Variants in PAK5 observed in about 807,000 individuals in gnomAD.
PAK5 encodes the protein p21 (RAC1) activated kinase 5, also known as serine/threonine-protein kinase PAK 5.
A neutral mutation model predicts 65.9 loss-of-function variants in PAK5; 16 were observed. That is an observed-to-expected ratio of 0.24 (90% CI 0.16 to 0.37). The LOEUF is 0.37. PAK5 is among the 10% of genes least tolerant of loss of function. The pLI is 1.00. For missense variants in PAK5, 785 were observed against 903.9 expected (o/e 0.87, Z 1.69); for synonymous variants, 371 against 354.9 (o/e 1.05, Z -0.51).
rs2048832839 is a variant in PAK5, at chr20:9,771,493, C to T, written c.-161-60058G>A. Among the ~76,000 whole-genome samples, 3 of 151,608 alleles carry T rather than the reference C, an allele frequency of 2.0e-5. No homozygotes were observed. In the South Asian group the frequency reaches 6.3e-4, roughly 32 times the overall value. ...GTGTAATCACTGCTCACTGCAGCCTCAAACTCCTGGGCTCAAGGGACCCTC... is the reference window on the plus strand; with the variant it reads ...GTGTAATCACTGCTCACTGCAGCCTTAAACTCCTGGGCTCAAGGGACCCTC... On this transcript the variant is annotated intron_variant, in intron 1 of 9. Coordinates refer to ENST00000353224, the MANE Select transcript of PAK5 (RefSeq NM_177990.4).
chr20:9,754,182 G>A (rs2048607225), intron 1 of PAK5, among the ~76,000 whole-genome samples: 1 of 152,184 alleles, frequency 6.6e-6, no homozygotes, highest in Non-Finnish European at 1.5e-5. Context: ...TAACTGCCCA[G>A]TGAGTTCATT....
At chr20:9,672,243 C>A (rs2047509887) in intron 2 of PAK5, among the ~76,000 whole-genome samples, 1 of 150,978 alleles carries the variant, frequency 6.6e-6, no homozygotes, top group South Asian at 2.1e-4. Flanking sequence ...ACTGGAAATG[C>A]AACCCATTTA....
intron 2 of PAK5, among the ~76,000 whole-genome samples, chr20:9,655,834 G>A (rs1008444876): frequency 5.3e-5 from 8 of 152,102 alleles, no homozygotes; most frequent in Admixed American, 2.6e-4. Flanking sequence ...TGGGAGGGTT[G>A]GTTTCTTCCG....
chr20:9,602,075 G>A (rs954040171), intron 3 of PAK5, among the ~76,000 whole-genome samples: 3 of 152,126 alleles, frequency 2.0e-5, no homozygotes, highest in East Asian at 1.9e-4. Flanking sequence ...GGAGGATCAC[G>A]AGGTCAAGAG....
chr20:9,661,893 A>G (rs909969725), intron 2 of PAK5, among the ~76,000 whole-genome samples: 1 of 152,162 alleles, frequency 6.6e-6, no homozygotes, highest in Non-Finnish European at 1.5e-5. Context: ...AAGGTAGCAC[A>G]GTGAAATGAT....
intron 3 of PAK5, among the ~76,000 whole-genome samples, chr20:9,597,868 G>A (rs911616667): frequency 9.9e-5 from 15 of 152,222 alleles, no homozygotes; most frequent in African/African-American, 2.4e-4. Flanking sequence ...AAGCTGATGC[G>A]AGTGAGCCCT....
In PAK5 at chr20:9,539,190, G is replaced by T. The variant is rs1171500230; in HGVS notation, c.*272C>A. The stretch of plus-strand genomic sequence containing the variant: ...TATATCATAACGGAGTTTGTACTGA[G>T]TCCTTCTGATTTGCTGGATGAAGGG... On this transcript the variant is annotated 3_prime_UTR_variant, in exon 10 of 10. Transcript: ENST00000353224. 2.9e-6 allele frequency: 1 copy of T among 349,002 alleles called. No individual in the cohort carries two copies. Among genetic ancestry groups the T allele is most frequent in the Non-Finnish European group, 5.3e-6 (1 of 186,950 alleles). 21.6% of individuals were successfully genotyped at this position (349,002 alleles called of 1,614,324 possible).
At chr20:9,792,119 G>A (rs992220050) in intron 1 of PAK5, among the ~76,000 whole-genome samples, 20 of 152,264 alleles carry the variant, frequency 1.3e-4, no homozygotes, top group African/African-American at 4.3e-4. Context: ...TGCATGCAGT[G>A]CATGCTATAC....
chr20:9,638,294 C>T (rs1203351726), intron 3 of PAK5, among the ~76,000 whole-genome samples: 2 of 152,124 alleles, frequency 1.3e-5, no homozygotes, highest in Non-Finnish European at 2.9e-5. Flanking sequence ...TGATATTTGC[C>T]AAATGTTTTA....
At chr20:9,811,557 A>G (rs1051194039) in intron 1 of PAK5, among the ~76,000 whole-genome samples, 17 of 152,328 alleles carry the variant, frequency 1.1e-4, no homozygotes, top group Middle Eastern at 3.4e-3. Context: ...TAAAGGTTGC[A>G]TGACTGCCTG....
chr20:9,555,867 G>T (rs940142459), intron 7 of PAK5, among the ~76,000 whole-genome samples: 2 of 152,176 alleles, frequency 1.3e-5, no homozygotes, highest in Non-Finnish European at 2.9e-5. Context: ...GTAAGTCCAG[G>T]TGACTCGGAG....
intron 2 of PAK5, among the ~76,000 whole-genome samples, chr20:9,695,525 A>T (rs558788475): frequency 6.6e-6 from 1 of 152,174 alleles, no homozygotes; most frequent in South Asian, 2.1e-4. Context: ...AATGGATTCT[A>T]AAAAGGGAAA....
intron 2 of PAK5, among the ~76,000 whole-genome samples, chr20:9,650,288 T>C (rs1196825102): frequency 6.6e-6 from 1 of 152,168 alleles, no homozygotes; most frequent in African/African-American, 2.4e-5. Flanking sequence ...TCTGAATTGA[T>C]ACACTACAAC....
At chr20:9,782,081 A>G (rs1162640068) in intron 1 of PAK5, among the ~76,000 whole-genome samples, 1 of 152,066 alleles carries the variant, frequency 6.6e-6, no homozygotes, top group Non-Finnish European at 1.5e-5. Context: ...TCTCTCTCTG[A>G]CATTGTCTCT....
intron 1 of PAK5, among the ~76,000 whole-genome samples, chr20:9,774,829 G>A (rs4501021): frequency 0.43 from 64,912 of 151,736 alleles, 14,019 homozygotes; most frequent in East Asian, 0.64. Flanking sequence ...GATGGTGGGC[G>A]CCTGTAGTCC....
chr20:9,730,336 C>A (rs912972955), intron 1 of PAK5, among the ~76,000 whole-genome samples: 1 of 152,076 alleles, frequency 6.6e-6, no homozygotes, highest in African/African-American at 2.4e-5. Flanking sequence ...TGCCAGCTTT[C>A]ATCAATAAAA....
At chr20:9,556,337 A>G (rs2045506481) in intron 7 of PAK5, among the ~76,000 whole-genome samples, 1 of 152,208 alleles carries the variant, frequency 6.6e-6, no homozygotes, top group African/African-American at 2.4e-5. Context: ...TACTTTTCTG[A>G]GTTTACTACA....
chr20:9,551,885 A>T (rs1234216204), intron 7 of PAK5, among the ~76,000 whole-genome samples: 1 of 152,184 alleles, frequency 6.6e-6, no homozygotes, highest in African/African-American at 2.4e-5. Flanking sequence ...AGAGAACGTT[A>T]TGGAAAAAGC....
chr20:9,812,408 A>G (rs2049308205), intron 1 of PAK5, among the ~76,000 whole-genome samples: 1 of 152,210 alleles, frequency 6.6e-6, no homozygotes, highest in Non-Finnish European at 1.5e-5. Context: ...CATTGGGGAA[A>G]TGTGAAATAA....
Sources: gnomAD v4.1 joint callset for allele counts (sites outside exome capture counted in the v4.1 genomes callset) on GRCh38, gnomAD v4.1.1 for gene constraint, MANE v1.5 for transcripts, NCBI Gene and HGNC (gene_info 2026-07-23, HGNC 2026-07-21) for gene names.